The following MSH3 variants were observed in gnomAD, a reference collection of about 807,000 sequenced individuals.
MSH3 encodes the protein DNA mismatch repair protein Msh3.
Under a neutral mutation model 123.3 loss-of-function variants are expected in MSH3, and 106 were observed. The ratio of observed to expected loss-of-function variants is 0.86; its 90% CI spans 0.73 to 1.01. The LOEUF (loss-of-function observed/expected upper bound fraction) is 1.01. Ranked by LOEUF, MSH3 falls within the 50% of genes least tolerant of loss-of-function variation. MSH3 has a pLI of 0.00. For missense variants in MSH3, 1,459 were observed against 1,347.6 expected, an observed-to-expected ratio of 1.08 and a Z score of -1.29; for synonymous variants, 515 against 481.4, an observed-to-expected ratio of 1.07 and a Z score of -0.91.
At chr5:80,784,268 C>T (rs1040609113) in intron 17 of MSH3, among the ~76,000 whole-genome samples, 3 of 121,150 alleles carry the variant, frequency 2.5e-5, no homozygotes, top group Admixed American at 1.9e-4. Flanking sequence ...TAAATAAAGT[C>T]GAAGCCAGAG....
intron 8 of MSH3, among the ~76,000 whole-genome samples, chr5:80,719,855 G>A (rs113451334): frequency 2.0e-5 from 3 of 152,130 alleles, no homozygotes; most frequent in African/African-American, 7.2e-5. Flanking sequence ...CTGTAGTATG[G>A]TTGTTCTTAC....
In MSH3 at chr5:80,744,604, C is replaced by A. The variant is rs1184418846; in HGVS notation, c.1752C>A (p.Leu584=). 6.2e-7 allele frequency: 1 copy of A among 1,607,986 alleles called. No homozygotes were observed. Among genetic ancestry groups the A allele is most frequent in the East Asian group, 2.2e-5 (1 of 44,806 alleles). ...TAAAGAAGTGGGTGACCCAGCCACT[C>A]CTTAAATTAAGGTAAAAGGAATTCT... ...RKLKKWVTQP[L]LKLREINARL... is the part of the protein sequence containing the mutation. Residue 584 remains leucine (L), a synonymous_variant, in exon 12 of 24, where the codon CTC becomes CTA. Transcript: ENST00000265081.
intron 8 of MSH3, among the ~76,000 whole-genome samples, chr5:80,704,164 C>T (rs1411943151): frequency 6.6e-6 from 1 of 152,174 alleles, no homozygotes; most frequent in Non-Finnish European, 1.5e-5. Context: ...CCCACGCCGC[C>T]GTGACTGTGG....
intron 4 of MSH3, among the ~76,000 whole-genome samples, 165 bp from the exon 5 acceptor site, chr5:80,672,079 A>C (rs1398733194): frequency 6.6e-6 from 1 of 152,228 alleles, no homozygotes; most frequent in Non-Finnish European, 1.5e-5. Context: ...ATAGGCTTCT[A>C]TACAGGGAAC....
chr5:80,674,206 C>T (rs1749784620), intron 6 of MSH3, among the ~76,000 whole-genome samples: 1 of 152,160 alleles, frequency 6.6e-6, no homozygotes, highest in Non-Finnish European at 1.5e-5. Context: ...TTTTCCTTTG[C>T]TGCTTTTATG....
At chr5:80,862,803 T>C (rs1033236445) in intron 21 of MSH3, among the ~76,000 whole-genome samples, 2 of 151,926 alleles carry the variant, frequency 1.3e-5, no homozygotes, top group African/African-American at 4.8e-5. Flanking sequence ...CTAACAAAAA[T>C]AAACTTTAAA....
At chr5:80,780,304 A>T (rs1246587904) in intron 17 of MSH3, among the ~76,000 whole-genome samples, 4 of 152,256 alleles carry the variant, frequency 2.6e-5, no homozygotes, top group Non-Finnish European at 4.4e-5. Flanking sequence ...TCATGAGTCC[A>T]TAGGAACCAG....
chr5:80,844,608 G>C (rs144974939), intron 20 of MSH3, among the ~76,000 whole-genome samples: 1 of 152,160 alleles, frequency 6.6e-6, no homozygotes, highest in Admixed American at 6.5e-5. Context: ...ATATATTTAG[G>C]ATAGTTAAGT....
At chr5:80,769,657 AT>A (rs1744184556) in intron 15 of MSH3, among the ~76,000 whole-genome samples, 4 of 152,088 alleles carry the variant, frequency 2.6e-5, no homozygotes, top group Admixed American at 2.6e-4. Context: ...CTTATGTTTA[AT>A]AAAATATGAA....
At chr5:80,698,639 G>A (rs74962055) in intron 8 of MSH3, among the ~76,000 whole-genome samples, 2 of 11,558 alleles carry the variant, frequency 1.7e-4, no homozygotes, top group Non-Finnish European at 3.3e-4. Flanking sequence ...CAGGACAGAC[G>A]TGTTTTGGAG....
intron 16 of MSH3, among the ~76,000 whole-genome samples, chr5:80,776,412 C>T (rs986253297): frequency 6.6e-6 from 1 of 152,104 alleles, no homozygotes; most frequent in Admixed American, 6.5e-5. Context: ...AATGCTATGC[C>T]TGACATTTCT....
At chr5:80,711,023 A>G (rs1750846920) in intron 8 of MSH3, among the ~76,000 whole-genome samples, 1 of 152,216 alleles carries the variant, frequency 6.6e-6, no homozygotes, top group Non-Finnish European at 1.5e-5. Context: ...TTAGAATTTT[A>G]CCTTTAAAAA....
At chr5:80,810,494 C>T (rs1744992220) in intron 19 of MSH3, among the ~76,000 whole-genome samples, 1 of 152,096 alleles carries the variant, frequency 6.6e-6, no homozygotes, top group Admixed American at 6.6e-5. Context: ...CAATCTTTAA[C>T]TTTGCTAGGC....
intron 15 of MSH3, 71 bp from the exon 16 acceptor site, chr5:80,775,623 C>A: frequency 1.1e-6 from 1 of 887,772 alleles, no homozygotes. Flanking sequence ...TGTTATACCA[C>A]AATTTGGGGA....
In MSH3 at chr5:80,787,661, A is replaced by C. The variant is rs1433166358; in HGVS notation, c.2532A>C (p.Gly844=). The part of the protein sequence containing the change: ...IFSLAKVAKQ[G]DYCRPTVQEE... ...CCCTGGCCAAGGTCGCTAAGCAAGG[A>C]GATTACTGCAGGTAAGATATTTTTC... Residue 844 remains glycine, a synonymous_variant, in exon 18 of 24, where the codon GGA becomes GGC. Coordinates refer to ENST00000265081, the MANE Select transcript of MSH3 (RefSeq NM_002439.5). 1.2e-6 allele frequency: 2 copies of C among 1,610,664 alleles called. No homozygotes were observed. Among genetic ancestry groups the C allele is most frequent in the East Asian group, 4.5e-5 (2 of 44,798 alleles).
chr5:80,744,506 A>G lies in MSH3; in HGVS notation c.1654A>G (p.Thr552Ala), dbSNP rs1743678578. The G allele has an allele frequency of 1.2e-6, 2 of 1,609,000 alleles. No homozygotes were observed. Among genetic ancestry groups the G allele is most frequent in the South Asian group, 1.1e-5 (1 of 90,706 alleles). Residue 552 changes from threonine (T) to alanine (A), a missense_variant and splice_region_variant, in exon 12 of 24, where the codon ACT becomes GCT. By Grantham distance (58) the Thr-to-Ala change is moderately conservative. Coordinates refer to ENST00000265081, the MANE Select transcript of MSH3 (RefSeq NM_002439.5). Reference sequence around the variant, plus strand: ...AAACTTGTTTTCTGGTCTTTCTTAGACTGATATGAAAACCAAAGGAAGTTT... The same window carrying G: ...AAACTTGTTTTCTGGTCTTTCTTAGGCTGATATGAAAACCAAAGGAAGTTT... ...LRNLEILQNQ[T>A]DMKTKGSLLW...
Position 80,675,000 on chromosome 5 carries a change from A to T in MSH3, c.1045A>T (p.Lys349Ter). 6.2e-7 allele frequency: 1 copy of T among 1,608,642 alleles called. No homozygotes were observed. The highest frequency in any genetic ancestry group is 8.5e-7 in the Non-Finnish European group (1 of 1,175,592). Residue 349 changes from lysine (K) to a stop codon, truncating the protein, a stop_gained, in exon 7 of 24, where the codon AAG (lysine) becomes TAG (stop). Coordinates refer to ENST00000265081, the MANE Select transcript of MSH3 (RefSeq NM_002439.5). LOFTEE classifies it high-confidence loss of function. ...LIGEDVNPLIKLDDAVNVDEI... is the reference protein window; with the variant it reads ...LIGEDVNPLI ...ATTATTAAATGTGAATCCCCTAATC[A>T]AGCTGGATGATGCTGTAAATGTTGA...
chr5:80,773,111 G>A (rs1744240187), intron 15 of MSH3, among the ~76,000 whole-genome samples: 1 of 152,184 alleles, frequency 6.6e-6, no homozygotes, highest in African/African-American at 2.4e-5. Flanking sequence ...CCCTTAGCCA[G>A]TAACTCCTGT....
chr5:80,754,655 C>A (rs1270930930), intron 12 of MSH3, among the ~76,000 whole-genome samples: 1 of 152,168 alleles, frequency 6.6e-6, no homozygotes, highest in South Asian at 2.1e-4. Flanking sequence ...TAAGATAATT[C>A]TTGGCATTTA....
Sources: gnomAD v4.1 joint callset for allele counts (sites outside exome capture counted in the v4.1 genomes callset) on GRCh38, gnomAD v4.1.1 for gene constraint, MANE v1.5 for transcripts, NCBI Gene and HGNC (gene_info 2026-07-23, HGNC 2026-07-21) for gene names.